SOD2: variants seen among roughly 807,000 people sequenced by gnomAD.
The protein encoded by SOD2 is superoxide dismutase [Mn], mitochondrial.
Under a neutral mutation model 27.0 loss-of-function variants are expected in SOD2, and 11 were observed. That is an observed-to-expected ratio of 0.41 (90% CI 0.26 to 0.67). The LOEUF (loss-of-function observed/expected upper bound fraction) is 0.67. Among genes scored for constraint, SOD2 ranks in the 30% least tolerant of loss-of-function variants. SOD2 has a pLI of 0.34. For missense variants in SOD2, 250 were observed against 274.5 expected (o/e 0.91, Z 0.63); for synonymous variants, 105 against 103.0 (o/e 1.02, Z -0.12).
upstream of SOD2, among the ~76,000 whole-genome samples, chr6:159,694,100 A>C (rs1777370040): frequency 6.6e-6 from 1 of 152,212 alleles, no homozygotes. Context: ...CTCACTACTA[A>C]GCCCTGGCAG....
chr6:159,746,632 T>TA (rs2114939768), upstream of SOD2, among the ~76,000 whole-genome samples: 1 of 152,364 alleles, frequency 6.6e-6, no homozygotes, highest in African/African-American at 2.4e-5. Flanking sequence ...GCCACGTAGT[T>TA]ACTATATTCT....
rs147588801 is a variant in SOD2, at chr6:159,677,838, A to C, written c.*4655T>G. The C allele has an allele frequency of 5.3e-5, 8 of 152,320 alleles. No homozygotes were observed. Among genetic ancestry groups the C allele is most frequent in the African/African-American group, 1.9e-4 (8 of 41,578 alleles). The allele number at this position is 152,320 out of a possible 1,614,324, so 9.4% of individuals were successfully genotyped here. Reference sequence around the variant, plus strand: ...TGATCATGTTATTTATAAGAAATATATATATTGTCTCAATCCTTGCTTGGT... The same window carrying C: ...TGATCATGTTATTTATAAGAAATATCTATATTGTCTCAATCCTTGCTTGGT... On this transcript the variant is annotated 3_prime_UTR_variant, in exon 5 of 5. Transcript: ENST00000538183.
rs5746099 is a variant in SOD2, at chr6:159,692,567, T to G, written c.226+94A>C. The G allele has an allele frequency of 1.1e-3, 1,663 of 1,566,606 alleles. 19 individuals are homozygous for G. The African/African-American group carries it at 0.02, about 19-fold the overall frequency. The stretch of plus-strand genomic sequence containing the variant: ...GGAACCGGTACAAATACGAAGCGAG[T>G]TCTCCTCCACGGAGAGGCCCGTCCG... On this transcript the variant is annotated intron_variant, in intron 2 of 4. Coordinates refer to ENST00000538183, the MANE Select transcript of SOD2 (RefSeq NM_000636.4).
rs77418684 is a variant in SOD2, at chr6:159,738,259, C to T, written c.-116+6871G>A. Among the ~76,000 whole-genome samples the T allele has an allele frequency of 5.2e-3, 788 of 152,338 alleles. 5 individuals are homozygous for T. The highest frequency in any genetic ancestry group is 0.018 in the African/African-American group (746 of 41,572). On this transcript the variant is annotated intron_variant, in intron 1 of 3. Coordinates refer to the SOD2 transcript ENST00000537657. ...CTACCCCGTCCCTCTCCATGCCTGA[C>T]CCCTGGCAACCACTAATTTATCTCC... is the stretch of plus-strand genomic sequence containing the variant.
chr6:159,689,670 T>C (rs184282580), intron 2 of SOD2, among the ~76,000 whole-genome samples: 2 of 152,288 alleles, frequency 1.3e-5, no homozygotes, highest in East Asian at 1.9e-4. Context: ...GTTAAGAACA[T>C]ATGTCTGGGC....
At chr6:159,720,044 T>TG (rs1274012157) in intron 1 of SOD2, among the ~76,000 whole-genome samples, 10 of 142,694 alleles carry the variant, frequency 7.0e-5, no homozygotes, top group Admixed American at 4.9e-4. Context: ...TTTTTTTTGG[T>TG]GGGGGGGACA....
chr6:159,699,476 A>G (rs1777487568), intron 1 of SOD2, among the ~76,000 whole-genome samples: 1 of 152,074 alleles, frequency 6.6e-6, no homozygotes, highest in Admixed American at 6.6e-5. Flanking sequence ...AGCCCTCCAT[A>G]AGATCCTTTC....
intron 1 of SOD2, chr6:159,741,950 TA>T (rs1158837844): frequency 2.7e-5 from 18 of 662,086 alleles, no homozygotes; most frequent in Non-Finnish European, 3.8e-5. Flanking sequence ...AGACTCTGTC[TA>T]AAAAAAACTA....
Position 159,727,236 on chromosome 6 carries a change from G to A in SOD2, c.-223C>T, listed in dbSNP as rs557824718. 2,333 of 1,278,544 alleles carry A rather than the reference G, an allele frequency of 1.8e-3. 3 individuals carry two copies. Among genetic ancestry groups the A allele is most frequent in the Admixed American group, 2.4e-3 (99 of 41,780 alleles). The allele number at this position is 1,278,544 out of a possible 1,614,324, so 79.2% of individuals were successfully genotyped here. Reference sequence around the variant, plus strand: ...TCCATTGTGCCTCGAGGCCCCGATCGGGCTAGGCCGACGGCCTCCCTCCCT... The same window carrying A: ...TCCATTGTGCCTCGAGGCCCCGATCAGGCTAGGCCGACGGCCTCCCTCCCT... On this transcript the variant is annotated 5_prime_UTR_variant, in exon 1 of 3. Coordinates refer to the SOD2 transcript ENST00000401980.
At chr6:159,729,699 A>G (rs1018296391), upstream of SOD2, among the ~76,000 whole-genome samples, 12 of 152,360 alleles carry the variant, frequency 7.9e-5, no homozygotes, top group African/African-American at 2.9e-4. Flanking sequence ...GGAATCACAC[A>G]TGGCAGATAG....
upstream of SOD2, chr6:159,748,104 A>G: frequency 1.4e-6 from 2 of 1,475,366 alleles, no homozygotes; most frequent in Non-Finnish European, 1.8e-6. The surrounding 1 kb of genome is among the most constrained non-coding windows in gnomAD (Gnocchi z 5.6). Flanking sequence ...AAGAGTTGGT[A>G]AATCAAGTGA....
chr6:159,682,742 T>G (rs1268722798), intron 4 of SOD2, 104 bp from the exon 5 acceptor site: 2 of 1,109,556 alleles, frequency 1.8e-6, no homozygotes, highest in African/African-American at 3.2e-5. Flanking sequence ...AAATTACCCT[T>G]TGTAACAATC....
At chr6:159,705,633 A>G (rs918463117) in intron 1 of SOD2, among the ~76,000 whole-genome samples, 1 of 152,244 alleles carries the variant, frequency 6.6e-6, no homozygotes, top group African/African-American at 2.4e-5. Context: ...GACCAAATCT[A>G]CGTCTGATTG....
chr6:159,738,891 C>G (rs1470761722), intron 1 of SOD2: 1 of 852,318 alleles, frequency 1.2e-6, no homozygotes, highest in Non-Finnish European at 1.8e-6. Context: ...TGTACTGAGC[C>G]GTTTAAATCT....
chr6:159,712,263 T>A (rs562791106), intron 1 of SOD2, among the ~76,000 whole-genome samples: 1 of 110,938 alleles, frequency 9.0e-6, no homozygotes, highest in Admixed American at 8.9e-5. Context: ...ACCACCTCCA[T>A]AACCACCACT....
In SOD2 at chr6:159,678,780, C is replaced by A. The variant is rs558661231; in HGVS notation, c.*3713G>T. 6.6e-6 allele frequency: 1 copy of A among 152,218 alleles called. No homozygotes were observed. Among genetic ancestry groups the A allele is most frequent in the East Asian group, 1.9e-4 (1 of 5,168 alleles). The allele number at this position is 152,218 out of a possible 1,614,324, so 9.4% of individuals were successfully genotyped here. ...GGGGCAGTCTTGTGGGCTGAGCCCT[C>A]CACCTGTGGGATCTGACTCCAATTC... is the stretch of plus-strand genomic sequence containing the variant. On this transcript the variant is annotated 3_prime_UTR_variant, in exon 5 of 5. Coordinates refer to ENST00000538183, the MANE Select transcript of SOD2 (RefSeq NM_000636.4).
chr6:159,723,268 C>T (rs1778074854), intron 1 of SOD2, among the ~76,000 whole-genome samples: 1 of 152,226 alleles, frequency 6.6e-6, no homozygotes, highest in South Asian at 2.1e-4. Context: ...TTCCCACTAA[C>T]CATGACACAG....
chr6:159,761,779 G>A (rs1302159873), exon 1 of SOD2: 1 of 263,424 alleles, frequency 3.8e-6, no homozygotes, highest in Admixed American at 5.2e-5. Flanking sequence ...CAGGCGCTCT[G>A]TAAATGCGTC....
rs1779719920 is a variant in SOD2, at chr6:159,673,840, T to C, written c.*8653A>G. 2.6e-5 allele frequency: 4 copies of C among 152,158 alleles called. 1 individual carries two copies. In the South Asian group the frequency reaches 6.2e-4, roughly 24 times the overall value. The allele number at this position is 152,158 out of a possible 1,614,324, so 9.4% of individuals were successfully genotyped here. ...TTTTTGAAAAGATAAACACAATTGA[T>C]AGACCGCTAGCAAGACTAATAAACA... On this transcript the variant is annotated 3_prime_UTR_variant, in exon 5 of 5. Transcript: ENST00000538183.
Sources: gnomAD v4.1 joint callset for allele counts (sites outside exome capture counted in the v4.1 genomes callset) on GRCh38, gnomAD v4.1.1 for gene constraint, Gnocchi (gnomAD v3.1) non-coding constraint, MANE v1.5 for transcripts, NCBI Gene and HGNC (gene_info 2026-07-23, HGNC 2026-07-21) for gene names.